Variants in VPS8 observed in about 807,000 individuals in gnomAD.
The protein encoded by VPS8 is vacuolar protein sorting-associated protein 8 homolog.
Under a neutral mutation model 216.4 loss-of-function variants are expected in VPS8, and 129 were observed. That is an observed-to-expected ratio of 0.60 (90% CI 0.52 to 0.69). The LOEUF (loss-of-function observed/expected upper bound fraction) is 0.69, where lower values mean the gene tolerates loss of function less well. Ranked by LOEUF, VPS8 falls within the 30% of genes least tolerant of loss-of-function variation. The pLI is 0.00. For synonymous variants in VPS8, 571 were observed against 565.4 expected (o/e 1.01, Z -0.14); for missense variants, 1,531 against 1,683.5 (o/e 0.91, Z 1.59).
chr3:184,814,380 G>A (rs1415894269), intron 1 of VPS8, among the ~76,000 whole-genome samples: 1 of 152,154 alleles, frequency 6.6e-6, no homozygotes, highest in East Asian at 1.9e-4. Flanking sequence ...GGACAGTTAG[G>A]GGATATGTTC....
chr3:184,918,446 A>G (rs1738001034), intron 28 of VPS8, among the ~76,000 whole-genome samples: 1 of 152,226 alleles, frequency 6.6e-6, no homozygotes. Flanking sequence ...GTAAACATCC[A>G]TAATTAGAAG....
At chr3:184,843,620 G>A (rs1297724618) in intron 8 of VPS8, among the ~76,000 whole-genome samples, 1 of 152,000 alleles carries the variant, frequency 6.6e-6, no homozygotes, top group Non-Finnish European at 1.5e-5. Context: ...TAAAAATGAG[G>A]TGAAAGCTTA....
rs1190112131 is a variant in VPS8 at position 184,854,155 on chromosome 3, G to A, written c.1017G>A (p.Met339Ile). 7 of 1,613,786 alleles carry A rather than the reference G, an allele frequency of 4.3e-6. No individual in the cohort carries two copies. The highest frequency in any genetic ancestry group is 5.9e-6 in the Non-Finnish European group (7 of 1,179,746). Reference protein sequence around the residue: ...IGLKPSLKVWMTFPYGRMDPS... With the variant: ...IGLKPSLKVWITFPYGRMDPS... ...TGAAACCATCCTTGAAAGTATGGAT[G>A]ACTTTTCCCTATGGCCGGGTGAGTA... The change falls in exon 13 of 48, where the codon ATG becomes ATA. Residue 339 changes from methionine to isoleucine, a missense_variant. Coordinates refer to ENST00000625842, the MANE Select transcript of VPS8 (RefSeq NM_001009921.3).
chr3:185,009,299 A>G (rs1476158174), intron 45 of VPS8, among the ~76,000 whole-genome samples: 1 of 148,918 alleles, frequency 6.7e-6, no homozygotes, highest in African/African-American at 2.4e-5. Flanking sequence ...ATGCAATTTT[A>G]CCAGTGATCA....
chr3:184,917,037 A>G (rs1737715328), intron 28 of VPS8, among the ~76,000 whole-genome samples: 1 of 152,220 alleles, frequency 6.6e-6, no homozygotes, highest in Non-Finnish European at 1.5e-5. Context: ...ACTTGTAGAT[A>G]AATAATTATA....
chr3:185,019,484 A>T lies in VPS8; in HGVS notation c.4003-4852A>T, dbSNP rs1366730550. ...CAAGCCAGTGATAAGCATTGTTTCT[A>T]TAAATTATAGATTAACTAAAAGCAT... On this transcript the variant is annotated intron_variant, in intron 45 of 47. Coordinates refer to ENST00000625842, the MANE Select transcript of VPS8 (RefSeq NM_001009921.3). 3.3e-5 allele frequency among the ~76,000 whole-genome samples: 5 copies of T among 152,246 alleles called. 1 individual carries two copies.
intron 38 of VPS8, among the ~76,000 whole-genome samples, chr3:184,966,183 G>C (rs1747379729): frequency 6.6e-6 from 1 of 152,112 alleles, no homozygotes; most frequent in Admixed American, 6.5e-5. Context: ...AGTGGGGTTG[G>C]GGGAGGAGTG....
intron 3 of VPS8, among the ~76,000 whole-genome samples, chr3:184,827,390 A>G (rs1194957685): frequency 6.6e-6 from 1 of 152,202 alleles, no homozygotes; most frequent in Non-Finnish European, 1.5e-5. Flanking sequence ...AGACTTAAGC[A>G]TTTTTAGTTT....
chr3:185,003,963 C>T (rs1428839597), intron 45 of VPS8, among the ~76,000 whole-genome samples: 12 of 150,490 alleles, frequency 8.0e-5, no homozygotes, highest in Non-Finnish European at 1.5e-4. Flanking sequence ...AGACGATGGG[C>T]GGCCGGGCAG....
chr3:184,840,295 T>A (rs1468052909), intron 7 of VPS8: 1 of 152,272 alleles, frequency 6.6e-6, no homozygotes, highest in Non-Finnish European at 1.5e-5. Flanking sequence ...ATAGTTGTAT[T>A]TTCTCATTTT....
intron 44 of VPS8, among the ~76,000 whole-genome samples, chr3:184,997,835 A>G (rs910376399): frequency 6.6e-6 from 1 of 152,232 alleles, no homozygotes; most frequent in African/African-American, 2.4e-5. Flanking sequence ...AGTTACATGA[A>G]TAAAAAACAA....
intron 16 of VPS8, 26 bp from the exon 17 acceptor site, chr3:184,866,848 CTT>C: frequency 1.3e-6 from 2 of 1,593,262 alleles, no homozygotes; most frequent in Non-Finnish European, 1.7e-6. Context: ...ATTTTTTTAC[CTT>C]TTTTGTATGT....
At chr3:185,038,567 C>G (rs1042750804) in intron 46 of VPS8, among the ~76,000 whole-genome samples, 9 of 152,246 alleles carry the variant, frequency 5.9e-5, no homozygotes, top group African/African-American at 1.9e-4. Flanking sequence ...TCACCACTAA[C>G]TCCACTGTTC....
chr3:184,997,190 T>C (rs1307561346), intron 44 of VPS8, among the ~76,000 whole-genome samples: 2 of 152,174 alleles, frequency 1.3e-5, no homozygotes, highest in African/African-American at 4.8e-5. Context: ...AGTGAAGGTG[T>C]TGGTCTCAGG....
At chr3:184,818,980 C>A (rs147717770) in intron 1 of VPS8, among the ~76,000 whole-genome samples, 1 of 151,664 alleles carries the variant, frequency 6.6e-6, no homozygotes, top group Non-Finnish European at 1.5e-5. Flanking sequence ...CTAACCTGGG[C>A]GACATAGCAA....
chr3:184,868,306 A>G, intron 18 of VPS8: 1 of 438,814 alleles, frequency 2.3e-6, no homozygotes, highest in Non-Finnish European at 4.1e-6. Context: ...TGTCATGTAA[A>G]AGCACCTGGA....
chr3:184,839,405 A>G (rs200237632), intron 6 of VPS8: 6 of 311,328 alleles, frequency 1.9e-5, no homozygotes, highest in Non-Finnish European at 2.9e-5. Context: ...TGGATCCCTG[A>G]TTTTTTATTT....
rs1273675285 is a variant in VPS8 at position 184,852,537 on chromosome 3, G to A, written c.791G>A (p.Ser264Asn). The change falls in exon 11 of 48, where the codon AGC becomes AAC. Residue 264 changes from serine to asparagine, a missense_variant. Coordinates refer to ENST00000625842, the MANE Select transcript of VPS8 (RefSeq NM_001009921.3). ...DDPTLAICND[S>N]GGSVFELTFK... ...CCAACTCTTGCAATTTGCAACGACA[G>A]CGGAGGCTCTGTTTTTGAATTGACA... 1 of 1,613,536 alleles carries A rather than the reference G, an allele frequency of 6.2e-7. No individual in the cohort carries two copies.
intron 14 of VPS8, among the ~76,000 whole-genome samples, chr3:184,859,640 T>G (rs1725905682): frequency 6.6e-6 from 1 of 152,192 alleles, no homozygotes; most frequent in South Asian, 2.1e-4. Context: ...GACTTTTGAC[T>G]TCCTCACACC....
Sources: allele counts gnomAD v4.1 joint callset (sites outside exome capture counted in the v4.1 genomes callset), GRCh38; gene constraint gnomAD v4.1.1; transcripts MANE v1.5; gene names NCBI Gene and HGNC (gene_info 2026-07-23, HGNC 2026-07-21).